Variants in KLHL12 observed in about 807,000 individuals in gnomAD.
KLHL12 encodes kelch-like protein 12.
A neutral mutation model predicts 60.8 loss-of-function variants in KLHL12; 17 were observed. The observed-to-expected ratio is 0.28, with a 90% CI of 0.19 to 0.42. The LOEUF is 0.42. Ranked by LOEUF, KLHL12 falls within the 10% of genes least tolerant of loss-of-function variation. The pLI, the probability that KLHL12 is intolerant of heterozygous loss-of-function variation, is 1.00. For synonymous variants in KLHL12, 220 were observed against 250.9 expected (o/e 0.88, Z 1.16); for missense variants, 468 against 722.3 (o/e 0.65, Z 4.04).
rs200334208 is a variant in KLHL12 at position 202,895,418 on chromosome 1, A to AT, written c.1135+103dup. ...CAAATAATAATAACATTTGACCTTA[A>AT]TTTTTTCTCCGTATTTCATGCTCCT... is the stretch of plus-strand genomic sequence containing the variant. On this transcript the variant is annotated intron_variant, in intron 8 of 11. Coordinates refer to ENST00000367261, the MANE Select transcript of KLHL12 (RefSeq NM_021633.4). This position sits in a 1 kb window ranked among gnomAD's most constrained non-coding sequence, Gnocchi z 4.2. The AT allele has an allele frequency of 3.0e-6, 3 of 1,005,244 alleles. No homozygotes were observed. The highest frequency in any genetic ancestry group is 4.4e-6 in the Non-Finnish European group (3 of 677,304). The allele number at this position is 1,005,244 out of a possible 1,614,324, so 62.3% of individuals were successfully genotyped here.
At chr1:202,912,533 G>A (rs1216487064) in intron 4 of KLHL12, 42 of 1,015,512 alleles carry the variant, frequency 4.1e-5, no homozygotes, top group Non-Finnish European at 6.3e-5. Context: ...CAATTTTGGA[G>A]GTGGTGGAAG....
intron 6 of KLHL12, among the ~76,000 whole-genome samples, chr1:202,903,624 C>CTTT (rs1660086940): frequency 4.1e-5 from 1 of 24,482 alleles, no homozygotes; most frequent in African/African-American, 9.8e-5. Context: ...TAATTTTTTT[C>CTTT]TTTTCTTTTT....
At chr1:202,911,593 G>A (rs1198204142) in intron 4 of KLHL12, among the ~76,000 whole-genome samples, 1 of 151,992 alleles carries the variant, frequency 6.6e-6, no homozygotes, top group Admixed American at 6.6e-5. Context: ...GGCAGGTGGG[G>A]GAATCTGTTG....
chr1:202,897,235 T>TC (rs1470354056), intron 6 of KLHL12, among the ~76,000 whole-genome samples: 10 of 143,626 alleles, frequency 7.0e-5, no homozygotes, highest in African/African-American at 2.4e-4. Flanking sequence ...TTTCTTTTTT[T>TC]TTTTTTTTTT....
chr1:202,911,162 C>T lies in KLHL12; in HGVS notation c.609G>A (p.Trp203Ter), dbSNP rs201020193. The change falls in exon 5 of 12, where the codon TGG becomes TGA. Residue 203 changes from tryptophan to a stop codon, truncating the protein, a stop_gained. Coordinates refer to ENST00000367261, the MANE Select transcript of KLHL12 (RefSeq NM_021633.4). LOFTEE classifies it high-confidence loss of function. ...EEPVFEAVIN[W>*]VKHAKKEREE... ...CCCGCTCTTTCTTGGCATGCTTCAC[C>T]CAGTTGATGACAGCCTCAAAGACTG... 6.2e-7 allele frequency: 1 copy of T among 1,614,042 alleles called. No homozygotes were observed. Among genetic ancestry groups the T allele is most frequent in the Non-Finnish European group, 8.5e-7 (1 of 1,180,012 alleles).
intron 6 of KLHL12, among the ~76,000 whole-genome samples, chr1:202,902,479 C>T (rs1418321254): frequency 6.6e-6 from 1 of 151,528 alleles, no homozygotes; most frequent in Non-Finnish European, 1.5e-5. Context: ...CAAATGTGAC[C>T]ATATTATATT....
At position 202,895,662 on chromosome 1, in the gene KLHL12, T is replaced by G. The variant is rs1336646107; in HGVS notation, c.995A>C (p.Tyr332Ser). 1 of 1,614,148 alleles carries G rather than the reference T, an allele frequency of 6.2e-7. No homozygotes were observed. Among genetic ancestry groups the G allele is most frequent in the East Asian group, 2.2e-5 (1 of 44,878 alleles). Residue 332 changes from tyrosine (Y) to serine (S), a missense_variant, in exon 8 of 12, where the codon TAC becomes TCC. Transcript: ENST00000367261. This position sits in a 1 kb window ranked among gnomAD's most constrained non-coding sequence, Gnocchi z 4.2. ...ACGGCCATCATAGCCACCAATGACG[T>G]AGATCCGGTCATGAAGGGACACTGA... ...VASVSLHDRIYVIGGYDGRSR... is the reference protein window; with the variant it reads ...VASVSLHDRISVIGGYDGRSR...
rs1039054623 is a variant in KLHL12, at chr1:202,909,280, G to A, written c.718-156C>T. On this transcript the variant is annotated intron_variant, in intron 5 of 11. Coordinates refer to ENST00000367261, the MANE Select transcript of KLHL12 (RefSeq NM_021633.4). This position sits in a 1 kb window ranked among gnomAD's most constrained non-coding sequence, Gnocchi z 4.1. The stretch of plus-strand genomic sequence containing the variant: ...TATTGCTGGTAGTAACCATGCTCTC[G>A]GTTTCCAGAAATGATTTTTAAAATT... 85 of 481,580 alleles carry A rather than the reference G, an allele frequency of 1.8e-4. 1 individual carries two copies. The East Asian group carries it at 2.8e-3, about 16-fold the overall frequency. The allele number at this position is 481,580 out of a possible 1,614,324, so 29.8% of individuals were successfully genotyped here.
chr1:202,905,259 A>G (rs2102423956), intron 6 of KLHL12, among the ~76,000 whole-genome samples: 1 of 152,358 alleles, frequency 6.6e-6, no homozygotes, highest in South Asian at 2.1e-4. Flanking sequence ...ATATGCAAGA[A>G]ATGTACCTCC....
chr1:202,924,785 C>A (rs1287143344), intron 2 of KLHL12, among the ~76,000 whole-genome samples, 183 bp downstream of exon 2: 2 of 152,102 alleles, frequency 1.3e-5, no homozygotes, highest in African/African-American at 2.4e-5. Flanking sequence ...TTACTATTAT[C>A]CCTAACTTAA....
chr1:202,902,934 G>A (rs939223465), intron 6 of KLHL12, among the ~76,000 whole-genome samples: 4 of 151,584 alleles, frequency 2.6e-5, no homozygotes, highest in Admixed American at 2.0e-4. Context: ...GGAAGTGGAC[G>A]CTGCAGTGAG....
At chr1:202,927,389 A>C, upstream of KLHL12, 1 of 542,770 alleles carries the variant, frequency 1.8e-6, no homozygotes, top group Non-Finnish European at 2.3e-6. Flanking sequence ...CGAATTACAA[A>C]AAGGTCGGGT....
chr1:202,898,363 G>A (rs1659905349), intron 6 of KLHL12, among the ~76,000 whole-genome samples: 2 of 152,296 alleles, frequency 1.3e-5, no homozygotes, highest in African/African-American at 4.8e-5. Context: ...GGACTTGAAA[G>A]AGCAAATGTA....
chr1:202,892,445 GAAAC>G lies in KLHL12; in HGVS notation c.*84_*87del. 1.3e-6 allele frequency: 2 copies of G among 1,485,534 alleles called. No individual in the cohort carries two copies. The highest frequency in any genetic ancestry group is 1.9e-6 in the Non-Finnish European group (2 of 1,079,146). The allele number at this position is 1,485,534 out of a possible 1,614,324, so 92.0% of individuals were successfully genotyped here. On this transcript the variant is annotated 3_prime_UTR_variant, in exon 12 of 12. Transcript: ENST00000367261. ...TGTAATCACCCGGTGCACATAGTGA[GAAAC>G]AGACATTCTGGAAAGGATTTTTGAT...
Position 202,895,530 on chromosome 1 carries a change from G to A in KLHL12, c.1127C>T (p.Thr376Ile). The change falls in exon 8 of 12, where the codon ACC becomes ATC. Residue 376 changes from threonine (T) to isoleucine (I), a missense_variant. Physicochemically the swap from Thr to Ile is moderately conservative, Grantham distance 89. Coordinates refer to ENST00000367261, the MANE Select transcript of KLHL12 (RefSeq NM_021633.4). This position sits in a 1 kb window ranked among gnomAD's most constrained non-coding sequence, Gnocchi z 4.2. ...CTGCACATCCAGCCTACCTCCCAGG[G>A]TGGTGGCTCCAGCAAGACCTCGTCG... Reference protein sequence around the residue: ...NVRRGLAGATTLGDMIYVSGG... With the variant: ...NVRRGLAGATILGDMIYVSGG... 1 of 1,613,282 alleles carries A rather than the reference G, an allele frequency of 6.2e-7. No individual in the cohort carries two copies. Among genetic ancestry groups the A allele is most frequent in the South Asian group, 1.1e-5 (1 of 91,022 alleles).
intron 2 of KLHL12, among the ~76,000 whole-genome samples, chr1:202,923,064 G>C (rs1660746669): frequency 6.6e-6 from 1 of 152,158 alleles, no homozygotes; most frequent in Admixed American, 6.5e-5. Context: ...ACTAAGCCTA[G>C]AATCCAGGTC....
intron 6 of KLHL12, among the ~76,000 whole-genome samples, chr1:202,898,864 A>G (rs1659920024): frequency 6.6e-6 from 1 of 151,544 alleles, no homozygotes; most frequent in Admixed American, 6.6e-5. Context: ...AAAATTATGG[A>G]AAAAAAATTA....
Position 202,912,423 on chromosome 1 carries a change from T to C in KLHL12, c.568-1220A>G, listed in dbSNP as rs1660391630. 21 of 823,884 alleles carry C rather than the reference T, an allele frequency of 2.5e-5. No individual in the cohort carries two copies. In the East Asian group the frequency reaches 4.3e-4, roughly 17 times the overall value. The allele number at this position is 823,884 out of a possible 1,614,324, so 51.0% of individuals were successfully genotyped here. Reference sequence around the variant, plus strand: ...TCGAAGTGGTTCTGGAAACTTTGGTTTGGTCGTGGAGGTGGTTTCGGTTGG... The same window carrying C: ...TCGAAGTGGTTCTGGAAACTTTGGTCTGGTCGTGGAGGTGGTTTCGGTTGG... On this transcript the variant is annotated intron_variant, in intron 4 of 11. Transcript: ENST00000367261.
intron 6 of KLHL12, among the ~76,000 whole-genome samples, chr1:202,897,655 T>TG (rs1659882221): frequency 6.6e-6 from 1 of 152,150 alleles, no homozygotes; most frequent in South Asian, 2.1e-4. Flanking sequence ...TTTGTTGTAA[T>TG]GGGGAAAGAA....
Sources: allele counts gnomAD v4.1 joint callset (sites outside exome capture counted in the v4.1 genomes callset), GRCh38; gene constraint gnomAD v4.1.1; non-coding constraint Gnocchi (gnomAD v3.1); transcripts MANE v1.5; gene names NCBI Gene and HGNC (gene_info 2026-07-23, HGNC 2026-07-21).